Variants in LDLRAD4 observed in about 807,000 individuals in gnomAD.
LDLRAD4 encodes the protein low-density lipoprotein receptor class A domain-containing protein 4.
A neutral mutation model predicts 17.0 loss-of-function variants in LDLRAD4; 5 were observed. That is an observed-to-expected ratio of 0.29 (90% CI 0.15 to 0.62). LDLRAD4 has a LOEUF of 0.62. LDLRAD4 is among the 20% of genes least tolerant of loss of function. The pLI is 0.84. For missense variants in LDLRAD4, 340 were observed against 424.7 expected (o/e 0.80, Z 1.75); for synonymous variants, 168 against 171.8 (o/e 0.98, Z 0.17).
chr18:13,313,133 C>T (rs2080742251), intron 1 of LDLRAD4, among the ~76,000 whole-genome samples: 2 of 152,112 alleles, frequency 1.3e-5, no homozygotes, highest in Non-Finnish European at 2.9e-5. Context: ...GAATTTTGGG[C>T]GGCTAGAAGG....
intron 2 of LDLRAD4, among the ~76,000 whole-genome samples, chr18:13,389,242 T>G (rs1009243911): frequency 3.1e-4 from 47 of 152,012 alleles, no homozygotes; most frequent in Non-Finnish European, 5.4e-4. Flanking sequence ...CCCTCGTGGA[T>G]ACTCCTCCCC....
intron 1 of LDLRAD4, among the ~76,000 whole-genome samples, chr18:13,260,883 G>C (rs2043780722): frequency 6.6e-6 from 1 of 152,244 alleles, no homozygotes; most frequent in African/African-American, 2.4e-5. Context: ...ACTGGATGCA[G>C]TTGAATGTGC....
At chr18:13,560,033 T>G (rs2094524580) in intron 3 of LDLRAD4, among the ~76,000 whole-genome samples, 1 of 152,256 alleles carries the variant, frequency 6.6e-6, no homozygotes. Flanking sequence ...TGATAGCTTT[T>G]GAGTATTATA....
At chr18:13,502,849 C>T (rs2093633934) in intron 3 of LDLRAD4, among the ~76,000 whole-genome samples, 1 of 152,228 alleles carries the variant, frequency 6.6e-6, no homozygotes, top group Admixed American at 6.5e-5. Flanking sequence ...TCTGGTCACT[C>T]CTGAAGCAGT....
intron 3 of LDLRAD4, chr18:13,514,394 G>A (rs756108644): frequency 6.6e-6 from 1 of 152,150 alleles, no homozygotes; most frequent in African/African-American, 2.4e-5. Flanking sequence ...AACAGATATC[G>A]ATTCCATTTA....
chr18:13,581,221 G>GA (rs1568365738), intron 3 of LDLRAD4, among the ~76,000 whole-genome samples: 1 of 152,198 alleles, frequency 6.6e-6, no homozygotes, highest in Non-Finnish European at 1.5e-5. Flanking sequence ...GGAGGTCAGT[G>GA]GTGGACTATT....
chr18:13,450,550 C>A (rs74783120), intron 3 of LDLRAD4, among the ~76,000 whole-genome samples: 1 of 152,174 alleles, frequency 6.6e-6, no homozygotes, highest in Non-Finnish European at 1.5e-5. Flanking sequence ...GTATTGAATG[C>A]GTGAGAGGCA....
chr18:13,397,184 C>G (rs978133690), intron 2 of LDLRAD4, among the ~76,000 whole-genome samples: 1 of 152,074 alleles, frequency 6.6e-6, no homozygotes, highest in Non-Finnish European at 1.5e-5. Context: ...CGCTCTGTCG[C>G]CCAGGCTGGA....
At chr18:13,376,656 C>T (rs1279529360) in intron 1 of LDLRAD4, among the ~76,000 whole-genome samples, 3 of 152,164 alleles carry the variant, frequency 2.0e-5, no homozygotes, top group South Asian at 2.1e-4. Flanking sequence ...AGCACACCCT[C>T]GGCGTCCGGT....
intron 4 of LDLRAD4, among the ~76,000 whole-genome samples, 193 bp from the exon 6 acceptor site, chr18:13,643,166 C>T (rs954656638): frequency 4.6e-5 from 7 of 151,788 alleles, no homozygotes; most frequent in Non-Finnish European, 7.4e-5. Flanking sequence ...GAACTCCTGA[C>T]CTCGTGATCC....
At chr18:13,339,693 A>G (rs1386519453) in intron 1 of LDLRAD4, among the ~76,000 whole-genome samples, 2 of 152,312 alleles carry the variant, frequency 1.3e-5, no homozygotes, top group East Asian at 3.9e-4. Context: ...TTGAAAAGAG[A>G]GAATAATTTT....
chr18:13,378,600 T>C (rs2085105260), intron 1 of LDLRAD4, among the ~76,000 whole-genome samples: 1 of 152,192 alleles, frequency 6.6e-6, no homozygotes, highest in Non-Finnish European at 1.5e-5. Flanking sequence ...TATATTTCAG[T>C]ATGAAAACAT....
chr18:13,262,346 G>T (rs1469106012), intron 1 of LDLRAD4, among the ~76,000 whole-genome samples: 1 of 141,556 alleles, frequency 7.1e-6, no homozygotes, highest in Non-Finnish European at 1.5e-5. Context: ...GGCTCTGTGC[G>T]TGGGGGCTGA....
At chr18:13,526,969 T>C (rs150193071) in intron 3 of LDLRAD4, among the ~76,000 whole-genome samples, 1 of 152,198 alleles carries the variant, frequency 6.6e-6, no homozygotes, top group African/African-American at 2.4e-5. Context: ...CTCATGAATA[T>C]AGATGATCTG....
intron 1 of LDLRAD4, among the ~76,000 whole-genome samples, chr18:13,314,713 C>G (rs979151591): frequency 6.6e-6 from 1 of 152,136 alleles, no homozygotes; most frequent in African/African-American, 2.4e-5. Flanking sequence ...TTGTGGCAGT[C>G]TTGTAGGGCT....
intron 2 of LDLRAD4, among the ~76,000 whole-genome samples, chr18:13,403,206 A>G (rs1046509600): frequency 1.3e-5 from 2 of 152,254 alleles, no homozygotes; most frequent in South Asian, 2.1e-4. Context: ...GAGTAGGAGC[A>G]TGAGGCAATT....
chr18:13,249,003 G>A (rs1049811160), intron 1 of LDLRAD4, among the ~76,000 whole-genome samples: 1 of 152,190 alleles, frequency 6.6e-6, no homozygotes, highest in South Asian at 2.1e-4. Context: ...AACCTGTGGT[G>A]TTTAACTTTC....
At chr18:13,396,633 G>A (rs1264007065) in intron 2 of LDLRAD4, among the ~76,000 whole-genome samples, 1 of 152,096 alleles carries the variant, frequency 6.6e-6, no homozygotes, top group East Asian at 1.9e-4. Context: ...ACAGGCACAT[G>A]CCACCACATC....
chr18:13,493,690 A>T (rs1648609), intron 3 of LDLRAD4, among the ~76,000 whole-genome samples: 10 of 152,186 alleles, frequency 6.6e-5, no homozygotes, highest in Non-Finnish European at 1.2e-4. Flanking sequence ...GCAAGGAACC[A>T]AGAGGGGTGG....
Sources: gnomAD v4.1 joint callset for allele counts (sites outside exome capture counted in the v4.1 genomes callset) on GRCh38, gnomAD v4.1.1 for gene constraint, MANE v1.5 for transcripts, NCBI Gene and HGNC (gene_info 2026-07-23, HGNC 2026-07-21) for gene names.